The following NOPCHAP1 variants were observed in gnomAD, a reference collection of about 807,000 sequenced individuals.
NOPCHAP1 encodes the protein DNA damage-sensitive RNA 1.
Under a neutral mutation model 14.0 loss-of-function variants are expected in NOPCHAP1, and 13 were observed. That is an observed-to-expected ratio of 0.93 (90% CI 0.60 to 1.47). NOPCHAP1 has a LOEUF of 1.47. Among genes scored for constraint, NOPCHAP1 ranks in the 40% most tolerant of loss-of-function variants. NOPCHAP1 has a pLI of 0.00. For missense variants in NOPCHAP1, 230 were observed against 226.9 expected, an observed-to-expected ratio of 1.01 and a Z score of -0.09; for synonymous variants, 78 against 78.4, an observed-to-expected ratio of 1.00 and a Z score of 0.03.
At position 105,015,359 on chromosome 12, in the gene NOPCHAP1, T is replaced by C. The variant is rs1873925179; in HGVS notation, c.*20663T>C. The C allele has an allele frequency of 6.6e-6, 1 of 152,182 alleles. No individual in the cohort carries two copies. Among genetic ancestry groups the C allele is most frequent in the African/African-American group, 2.4e-5 (1 of 41,454 alleles). The allele number at this position is 152,182 out of a possible 1,614,324, so 9.4% of individuals were successfully genotyped here. A position where few individuals can be genotyped will look rare whatever the true frequency, so the allele number is the denominator to read the frequency against. ...CACAGTAGGCATGGAATAATGATAA[T>C]AAATGGATTAAATGGATGCATGAAG... is the stretch of plus-strand genomic sequence containing the variant. On this transcript the variant is annotated 3_prime_UTR_variant, in exon 4 of 4. Coordinates refer to ENST00000552951, the MANE Select transcript of NOPCHAP1 (RefSeq NM_152318.3).
rs1873961965 is a variant in NOPCHAP1 at position 105,017,082 on chromosome 12, C to T, written c.*22386C>T. Reference sequence around the variant, plus strand: ...TGGCTTTTGAAGCAAAAATCTCATTCTGAATAAATCTCCCATCTGTTCCAA... The same window carrying T: ...TGGCTTTTGAAGCAAAAATCTCATTTTGAATAAATCTCCCATCTGTTCCAA... On this transcript the variant is annotated 3_prime_UTR_variant, in exon 4 of 4. Transcript: ENST00000552951. 1 of 152,156 alleles carries T rather than the reference C, an allele frequency of 6.6e-6. No homozygotes were observed. The highest frequency in any genetic ancestry group is 2.4e-5 in the African/African-American group (1 of 41,434). The allele number at this position is 152,156 out of a possible 1,614,324, so 9.4% of individuals were successfully genotyped here.
chr12:105,006,579 C>G lies in NOPCHAP1; in HGVS notation c.*11883C>G, dbSNP rs1873713869. On this transcript the variant is annotated 3_prime_UTR_variant, in exon 4 of 4. Coordinates refer to ENST00000552951, the MANE Select transcript of NOPCHAP1 (RefSeq NM_152318.3). ...CCAGACAAAGGGGTCTTGTCCAAGC[C>G]TTTTTGTTGTAAACCAGAAGACTGG... 6.6e-6 allele frequency: 1 copy of G among 152,182 alleles called. No homozygotes were observed. Among genetic ancestry groups the G allele is most frequent in the African/African-American group, 2.4e-5 (1 of 41,432 alleles). 9.4% of individuals were successfully genotyped at this position (152,182 alleles called of 1,614,324 possible). A position where few individuals can be genotyped will look rare whatever the true frequency, so the allele number is the denominator to read the frequency against.
At position 105,014,050 on chromosome 12, in the gene NOPCHAP1, T is replaced by C. The variant is rs1873895444; in HGVS notation, c.*19354T>C. ...AGAGGAACTGTTCACACAGAGATGATTAGTGTCACATGGTATCGTGAGTAG... is the reference window on the plus strand; with the variant it reads ...AGAGGAACTGTTCACACAGAGATGACTAGTGTCACATGGTATCGTGAGTAG... On this transcript the variant is annotated 3_prime_UTR_variant, in exon 4 of 4. Transcript: ENST00000552951. 6.6e-6 allele frequency: 1 copy of C among 152,214 alleles called. No homozygotes were observed. The highest frequency in any genetic ancestry group is 1.5e-5 in the Non-Finnish European group (1 of 68,038). The allele number at this position is 152,214 out of a possible 1,614,324, so 9.4% of individuals were successfully genotyped here.
At chr12:104,992,464 C>T (rs1485230993) in intron 3 of NOPCHAP1, among the ~76,000 whole-genome samples, 2 of 152,208 alleles carry the variant, frequency 1.3e-5, no homozygotes, top group Admixed American at 6.5e-5. Flanking sequence ...GGTTTTCCTG[C>T]GTTCACTGTG....
In NOPCHAP1 at chr12:105,000,784, G is replaced by C. The variant is rs1345193769; in HGVS notation, c.*6088G>C. 1.3e-5 allele frequency: 2 copies of C among 151,958 alleles called. No individual in the cohort carries two copies. The highest frequency in any genetic ancestry group is 4.8e-5 in the African/African-American group (2 of 41,360). 9.4% of individuals were successfully genotyped at this position (151,958 alleles called of 1,614,324 possible). The stretch of plus-strand genomic sequence containing the variant: ...TGGTTGTCCTCCATTGATAGATCGT[G>C]AAAGGCTTTTTTTTTAACCTGGTGA... On this transcript the variant is annotated 3_prime_UTR_variant, in exon 4 of 4. Transcript: ENST00000552951.
Position 104,995,084 on chromosome 12 carries a change from TG to T in NOPCHAP1, c.*391del, listed in dbSNP as rs1873471302. The T allele has an allele frequency of 4.5e-6, 1 of 222,314 alleles. No homozygotes were observed. The highest frequency in any genetic ancestry group is 8.7e-6 in the Non-Finnish European group (1 of 115,434). The allele number at this position is 222,314 out of a possible 1,614,324, so 13.8% of individuals were successfully genotyped here. A position where few individuals can be genotyped will look rare whatever the true frequency, so the allele number is the denominator to read the frequency against. On this transcript the variant is annotated 3_prime_UTR_variant, in exon 4 of 4. Transcript: ENST00000552951. ...GGAGATCTAAGGCTGCCTTGTCCGA[TG>T]GGCTGAGGCTTGGCTGTTTGTGATT...
rs1173587331 is a variant in NOPCHAP1 at position 105,002,119 on chromosome 12, G to A, written c.*7423G>A. The A allele has an allele frequency of 6.6e-6, 1 of 152,164 alleles. No individual in the cohort carries two copies. The highest frequency in any genetic ancestry group is 2.4e-5 in the African/African-American group (1 of 41,450). The allele number at this position is 152,164 out of a possible 1,614,324, so 9.4% of individuals were successfully genotyped here. Reference sequence around the variant, plus strand: ...AAATCTCTTTTCCAGCATCCTAGTTGTTTGCAATGAAGGGAGACACCTTAG... The same window carrying A: ...AAATCTCTTTTCCAGCATCCTAGTTATTTGCAATGAAGGGAGACACCTTAG... On this transcript the variant is annotated 3_prime_UTR_variant, in exon 4 of 4. Coordinates refer to ENST00000552951, the MANE Select transcript of NOPCHAP1 (RefSeq NM_152318.3).
chr12:104,995,681 CAT>C lies in NOPCHAP1; in HGVS notation c.*988_*989del, dbSNP rs919100953. ...GTAATCTTTCCTCAGTGGAAACTAG[CAT>C]ATCTTTTTTTTTTTCGAGATGGAGT... On this transcript the variant is annotated 3_prime_UTR_variant, in exon 4 of 4. Transcript: ENST00000552951. 2 of 151,896 alleles carry C rather than the reference CAT, an allele frequency of 1.3e-5. No individual in the cohort carries two copies. Among genetic ancestry groups the C allele is most frequent in the Non-Finnish European group, 2.9e-5 (2 of 68,042 alleles). The allele number at this position is 151,896 out of a possible 1,614,324, so 9.4% of individuals were successfully genotyped here.
intron 2 of NOPCHAP1, among the ~76,000 whole-genome samples, chr12:104,990,907 A>G (rs1423108558): frequency 1.3e-5 from 2 of 152,324 alleles, no homozygotes; most frequent in Middle Eastern, 3.4e-3. Flanking sequence ...TTTCAGGTGC[A>G]TCTGGATCCA....
chr12:105,001,554 T>C lies in NOPCHAP1; in HGVS notation c.*6858T>C, dbSNP rs927061209. The C allele has an allele frequency of 6.6e-6, 1 of 152,232 alleles. No homozygotes were observed. The highest frequency in any genetic ancestry group is 1.5e-5 in the Non-Finnish European group (1 of 68,034). 9.4% of individuals were successfully genotyped at this position (152,232 alleles called of 1,614,324 possible). On this transcript the variant is annotated 3_prime_UTR_variant, in exon 4 of 4. Transcript: ENST00000552951. ...GAGAGTCAGGAAACTCTAAGATTATTTGTCCCTCTGAAAGAGAATTTTATA... is the reference window on the plus strand; with the variant it reads ...GAGAGTCAGGAAACTCTAAGATTATCTGTCCCTCTGAAAGAGAATTTTATA...
intron 2 of NOPCHAP1, 109 bp downstream of exon 2, chr12:104,988,362 G>C (rs1185254734): frequency 1.4e-6 from 1 of 738,010 alleles, no homozygotes; most frequent in Middle Eastern, 2.7e-4. Context: ...AGATAGTCCA[G>C]TGGAACAAGT....
rs935241447 is a variant in NOPCHAP1, at chr12:104,986,378, C to T, written c.26C>T (p.Ala9Val). The change falls in exon 1 of 4, where the codon GCT becomes GTT. Residue 9 changes from alanine (A) to valine (V), a missense_variant. Physicochemically the swap from Ala to Val is moderately conservative, Grantham distance 64 (BLOSUM62 0). Transcript: ENST00000552951. ...ATGGAGGTCCATGGCAAGCCCAAGG[C>T]TAGCCCGAGTTGTTCGTCGCCCACC... MEVHGKPK[A>V]SPSCSSPTRD... is the part of the protein sequence containing the mutation. 6.2e-7 allele frequency: 1 copy of T among 1,611,204 alleles called. No individual in the cohort carries two copies. The highest frequency in any genetic ancestry group is 8.5e-7 in the Non-Finnish European group (1 of 1,178,894).
rs1468364275 is a variant in NOPCHAP1 at position 105,006,808 on chromosome 12, G to T, written c.*12112G>T. 3.3e-5 allele frequency: 5 copies of T among 151,380 alleles called. No individual in the cohort carries two copies. The highest frequency in any genetic ancestry group is 7.4e-5 in the Non-Finnish European group (5 of 67,910). The allele number at this position is 151,380 out of a possible 1,614,324, so 9.4% of individuals were successfully genotyped here. On this transcript the variant is annotated 3_prime_UTR_variant, in exon 4 of 4. Transcript: ENST00000552951. ...TTAACTTTTAGGTTCAAGGGTACTTGTGTGCAGGTTTGTTATATAGGTATT... is the reference window on the plus strand; with the variant it reads ...TTAACTTTTAGGTTCAAGGGTACTTTTGTGCAGGTTTGTTATATAGGTATT...
In NOPCHAP1 at chr12:104,995,932, C is replaced by A. The variant is rs1370672951; in HGVS notation, c.*1236C>A. Reference sequence around the variant, plus strand: ...CTCAATCTCCTGACCTCGTGTTCCACCCTTCTTGACCTGCCAAAGTGTTGG... The same window carrying A: ...CTCAATCTCCTGACCTCGTGTTCCAACCTTCTTGACCTGCCAAAGTGTTGG... On this transcript the variant is annotated 3_prime_UTR_variant, in exon 4 of 4. Coordinates refer to ENST00000552951, the MANE Select transcript of NOPCHAP1 (RefSeq NM_152318.3). 6.6e-6 allele frequency: 1 copy of A among 151,994 alleles called. No individual in the cohort carries two copies. The highest frequency in any genetic ancestry group is 1.5e-5 in the Non-Finnish European group (1 of 68,036). 9.4% of individuals were successfully genotyped at this position (151,994 alleles called of 1,614,324 possible). A position where few individuals can be genotyped will look rare whatever the true frequency, so the allele number is the denominator to read the frequency against.
Position 105,013,320 on chromosome 12 carries a change from A to G in NOPCHAP1, c.*18624A>G, listed in dbSNP as rs1313866243. The G allele has an allele frequency of 6.6e-6, 1 of 152,160 alleles. No individual in the cohort carries two copies. Among genetic ancestry groups the G allele is most frequent in the Non-Finnish European group, 1.5e-5 (1 of 68,072 alleles). The allele number at this position is 152,160 out of a possible 1,614,324, so 9.4% of individuals were successfully genotyped here. ...TACTCAAGCCTCAGTCGTGGTGGACACCCCTTTTCCCACCAAGCTCAAGTG... is the reference window on the plus strand; with the variant it reads ...TACTCAAGCCTCAGTCGTGGTGGACGCCCCTTTTCCCACCAAGCTCAAGTG... On this transcript the variant is annotated 3_prime_UTR_variant, in exon 4 of 4. Coordinates refer to ENST00000552951, the MANE Select transcript of NOPCHAP1 (RefSeq NM_152318.3).
Position 105,014,318 on chromosome 12 carries a change from G to C in NOPCHAP1, c.*19622G>C, listed in dbSNP as rs1565943101. On this transcript the variant is annotated 3_prime_UTR_variant, in exon 4 of 4. Coordinates refer to ENST00000552951, the MANE Select transcript of NOPCHAP1 (RefSeq NM_152318.3). Reference sequence around the variant, plus strand: ...ATGGTAGAAATGATGAGATAGACTGGTATCTACATATATTTAATGCATTTT... The same window carrying C: ...ATGGTAGAAATGATGAGATAGACTGCTATCTACATATATTTAATGCATTTT... 1 of 151,882 alleles carries C rather than the reference G, an allele frequency of 6.6e-6. No homozygotes were observed. Among genetic ancestry groups the C allele is most frequent in the Admixed American group, 6.6e-5 (1 of 15,260 alleles). 9.4% of individuals were successfully genotyped at this position (151,882 alleles called of 1,614,324 possible). A position where few individuals can be genotyped will look rare whatever the true frequency, so the allele number is the denominator to read the frequency against.
chr12:104,995,399 A>G lies in NOPCHAP1; in HGVS notation c.*703A>G, dbSNP rs1471016387. On this transcript the variant is annotated 3_prime_UTR_variant, in exon 4 of 4. Transcript: ENST00000552951. Reference sequence around the variant, plus strand: ...CAAATTGTATTGAATTTTCTGTAGTAGCAAAATCTGGAAAAATAGGTACAA... The same window carrying G: ...CAAATTGTATTGAATTTTCTGTAGTGGCAAAATCTGGAAAAATAGGTACAA... 3 of 152,318 alleles carry G rather than the reference A, an allele frequency of 2.0e-5. No individual in the cohort carries two copies. Among genetic ancestry groups the G allele is most frequent in the African/African-American group, 7.2e-5 (3 of 41,444 alleles). 9.4% of individuals were successfully genotyped at this position (152,318 alleles called of 1,614,324 possible).
chr12:105,013,605 T>A lies in NOPCHAP1; in HGVS notation c.*18909T>A, dbSNP rs544112445. 1.3e-5 allele frequency: 2 copies of A among 152,574 alleles called. No individual in the cohort carries two copies. The highest frequency in any genetic ancestry group is 3.9e-4 in the East Asian group (2 of 5,186). 9.5% of individuals were successfully genotyped at this position (152,574 alleles called of 1,614,324 possible). ...TTGAGCTTGAAACCCAGGGCCCTGG[T>A]GGTGTAGGCACCCGAGGGAATCTCC... On this transcript the variant is annotated 3_prime_UTR_variant, in exon 4 of 4. Coordinates refer to ENST00000552951, the MANE Select transcript of NOPCHAP1 (RefSeq NM_152318.3).
At position 105,003,067 on chromosome 12, in the gene NOPCHAP1, A is replaced by G. The variant is rs1369687396; in HGVS notation, c.*8371A>G. 6.6e-6 allele frequency: 1 copy of G among 152,218 alleles called. No individual in the cohort carries two copies. Among genetic ancestry groups the G allele is most frequent in the Non-Finnish European group, 1.5e-5 (1 of 68,040 alleles). 9.4% of individuals were successfully genotyped at this position (152,218 alleles called of 1,614,324 possible). A position where few individuals can be genotyped will look rare whatever the true frequency, so the allele number is the denominator to read the frequency against. ...TACAGTCTTTTTTTGTATCATCCTT[A>G]AGCTACTTAAGGTTTTCATTTGCCT... is the stretch of plus-strand genomic sequence containing the variant. On this transcript the variant is annotated 3_prime_UTR_variant, in exon 4 of 4. Coordinates refer to ENST00000552951, the MANE Select transcript of NOPCHAP1 (RefSeq NM_152318.3).
Sources: gnomAD v4.1 joint callset for allele counts (sites outside exome capture counted in the v4.1 genomes callset) on GRCh38, gnomAD v4.1.1 for gene constraint, MANE v1.5 for transcripts, NCBI Gene and HGNC (gene_info 2026-07-23, HGNC 2026-07-21) for gene names.